NTRK3: variants seen among roughly 807,000 people sequenced by gnomAD.
The protein encoded by NTRK3 is neurotrophic receptor tyrosine kinase 3.
A neutral mutation model predicts 91.7 loss-of-function variants in NTRK3; 24 were observed. That is an observed-to-expected ratio of 0.26 (90% CI 0.19 to 0.37). The LOEUF (loss-of-function observed/expected upper bound fraction) is 0.37. Among genes scored for constraint, NTRK3 ranks in the 10% least tolerant of loss-of-function variants. NTRK3 has a pLI of 1.00. For missense variants in NTRK3, 880 were observed against 1,068.9 expected (o/e 0.82, Z 2.46); for synonymous variants, 483 against 404.0 (o/e 1.20, Z -2.34).
exon 19 of NTRK3, chr15:87,869,126 C>T (rs902109566): frequency 1.2e-4 from 27 of 228,970 alleles, no homozygotes; most frequent in Non-Finnish European, 1.3e-4. Context: ...AAACCCAATA[C>T]AATGACAATC....
intron 3 of NTRK3, among the ~76,000 whole-genome samples, chr15:88,208,936 A>G (rs1292677069): frequency 6.6e-6 from 1 of 152,146 alleles, no homozygotes; most frequent in Admixed American, 6.5e-5. Flanking sequence ...ATTGCCTGCA[A>G]TGTGCCAAGC....
chr15:87,912,929 A>ATCTATATATATATAT (rs1555435273), intron 17 of NTRK3, among the ~76,000 whole-genome samples: 1 of 15,090 alleles, frequency 6.6e-5, no homozygotes, highest in Admixed American at 1.1e-3. Flanking sequence ...AAAGTAAAAA[A>ATCTATATATATATAT]AAATATATAT....
chr15:88,085,944 A>G (rs1247538186), intron 13 of NTRK3, among the ~76,000 whole-genome samples: 3 of 152,378 alleles, frequency 2.0e-5, no homozygotes, highest in South Asian at 4.1e-4. Flanking sequence ...AGAGAAAATG[A>G]TAGTATGTGA....
chr15:88,148,902 A>G (rs1441360860), intron 5 of NTRK3, among the ~76,000 whole-genome samples: 12 of 152,096 alleles, frequency 7.9e-5, no homozygotes, highest in African/African-American at 1.2e-4. Flanking sequence ...TGGATTTTGG[A>G]GAGGAGAGAA....
chr15:88,055,207 C>G (rs1236682738), intron 13 of NTRK3, among the ~76,000 whole-genome samples: 1 of 152,154 alleles, frequency 6.6e-6, no homozygotes, highest in Non-Finnish European at 1.5e-5. Context: ...CCAACAGTCT[C>G]TCTTCACCCT....
intron 13 of NTRK3, among the ~76,000 whole-genome samples, chr15:88,057,905 G>T (rs1042386578): frequency 1.3e-5 from 2 of 152,176 alleles, no homozygotes; most frequent in Non-Finnish European, 2.9e-5. Context: ...CTGATGATAC[G>T]CTGGGAGATG....
chr15:88,112,454 G>A (rs1455209047), intron 13 of NTRK3, among the ~76,000 whole-genome samples: 1 of 152,188 alleles, frequency 6.6e-6, no homozygotes, highest in African/African-American at 2.4e-5. Context: ...TTGCCCTAGA[G>A]TCGGGATGTG....
chr15:88,212,306 C>T (rs2049325454), intron 3 of NTRK3, among the ~76,000 whole-genome samples: 1 of 152,098 alleles, frequency 6.6e-6, no homozygotes, highest in Admixed American at 6.5e-5. Flanking sequence ...GGAGGCGGAG[C>T]TTGCAGTGAG....
At chr15:88,177,951 A>G (rs1268750232) in intron 5 of NTRK3, among the ~76,000 whole-genome samples, 5 of 152,222 alleles carry the variant, frequency 3.3e-5, no homozygotes, top group Non-Finnish European at 7.3e-5. Context: ...AAGCTCAGAG[A>G]AGTTCAATAA....
At chr15:87,943,905 G>A (rs933823765) in intron 14 of NTRK3, among the ~76,000 whole-genome samples, 1 of 152,006 alleles carries the variant, frequency 6.6e-6, no homozygotes, top group Non-Finnish European at 1.5e-5. Flanking sequence ...TGCTCTCTGT[G>A]AGCACATGAA....
At chr15:87,890,412 T>G (rs1296718007) in intron 17 of NTRK3, among the ~76,000 whole-genome samples, 1 of 152,200 alleles carries the variant, frequency 6.6e-6, no homozygotes, top group East Asian at 1.9e-4. Context: ...ATCAGCTATT[T>G]GGCTACACTG....
intron 3 of NTRK3, among the ~76,000 whole-genome samples, chr15:88,186,601 T>C (rs1157169849): frequency 6.6e-6 from 1 of 152,190 alleles, no homozygotes; most frequent in Non-Finnish European, 1.5e-5. Flanking sequence ...CTGCCTGCTT[T>C]CCTGCAGCCC....
chr15:88,072,926 C>T (rs1392992943), intron 13 of NTRK3: 1 of 227,614 alleles, frequency 4.4e-6, no homozygotes, highest in Non-Finnish European at 8.7e-6. Context: ...GAGAGAAAAA[C>T]CAAGCATTTA....
intron 3 of NTRK3, among the ~76,000 whole-genome samples, chr15:88,211,824 G>A (rs2049271934): frequency 6.6e-6 from 1 of 152,228 alleles, no homozygotes; most frequent in East Asian, 1.9e-4. Flanking sequence ...AAAAGATTGT[G>A]TGTGACATTG....
At chr15:87,998,345 T>TA (rs2075853386) in intron 14 of NTRK3, among the ~76,000 whole-genome samples, 1 of 152,238 alleles carries the variant, frequency 6.6e-6, no homozygotes, top group Admixed American at 6.5e-5. Context: ...TAAAAGCCCA[T>TA]AGACCATTAA....
At chr15:88,034,435 TTC>T (rs1308146772) in intron 13 of NTRK3, among the ~76,000 whole-genome samples, 2 of 152,330 alleles carry the variant, frequency 1.3e-5, no homozygotes, top group East Asian at 1.9e-4. Flanking sequence ...AGAAGAATGC[TTC>T]TGTTTGGTGC....
chr15:87,964,768 T>C (rs1596441466), intron 14 of NTRK3, among the ~76,000 whole-genome samples: 1 of 152,238 alleles, frequency 6.6e-6, no homozygotes, highest in Admixed American at 6.5e-5. Context: ...TCCAGCTACT[T>C]AGCATGTTTC....
Position 88,001,554 on chromosome 15 carries a change from G to A in NTRK3, c.1585+31303C>T, listed in dbSNP as rs573250833. 6.6e-5 allele frequency among the ~76,000 whole-genome samples: 10 copies of A among 152,228 alleles called. No individual in the cohort carries two copies. In the South Asian group the frequency reaches 1.2e-3, roughly 19 times the overall value. On this transcript the variant is annotated intron_variant, in intron 14 of 18. Coordinates refer to ENST00000394480, the Ensembl canonical transcript of NTRK3. ...GGGGTTCCAAGTTCACAATGAGCAC[G>A]TGAATAGCTCATTGTCCCAGGACTA...
intron 14 of NTRK3, among the ~76,000 whole-genome samples, chr15:88,011,977 G>T (rs2076912365): frequency 6.6e-6 from 1 of 152,140 alleles, no homozygotes; most frequent in South Asian, 2.1e-4. Context: ...GACCCAGTGA[G>T]GCAGATCCTC....
Sources: gnomAD v4.1 joint callset for allele counts (sites outside exome capture counted in the v4.1 genomes callset) on GRCh38, gnomAD v4.1.1 for gene constraint, MANE v1.5 for transcripts, NCBI Gene and HGNC (gene_info 2026-07-23, HGNC 2026-07-21) for gene names.